Variants in OGFOD3 observed in about 807,000 individuals in gnomAD.
The protein encoded by OGFOD3 is 2-oxoglutarate and iron-dependent oxygenase domain-containing protein 3.
A neutral mutation model predicts 39.8 loss-of-function variants in OGFOD3; 35 were observed. The observed-to-expected ratio is 0.88, with a 90% CI of 0.67 to 1.17. The LOEUF (loss-of-function observed/expected upper bound fraction) is 1.17. Among genes scored for constraint, OGFOD3 ranks in the 50% most tolerant of loss-of-function variants. OGFOD3 has a pLI of 0.00. For synonymous variants in OGFOD3, 200 were observed against 192.0 expected (o/e 1.04, Z -0.34); for missense variants, 438 against 454.5 (o/e 0.96, Z 0.33).
In OGFOD3 at chr17:82,389,397, T is replaced by C. The variant is rs999738231; in HGVS notation, c.*3001A>G. On this transcript the variant is annotated 3_prime_UTR_variant, in exon 9 of 9. Coordinates refer to ENST00000313056, the MANE Select transcript of OGFOD3 (RefSeq NM_024648.3). The surrounding 1 kb of genome is among the most constrained non-coding windows in gnomAD (Gnocchi z 4.6). ...GCCTCACGTCGGCCACACCCGACAC[T>C]TTCATCAGGTTCACGAGCACTTCTT... is the stretch of plus-strand genomic sequence containing the variant. 1.3e-5 allele frequency: 2 copies of C among 152,244 alleles called. No individual in the cohort carries two copies. The highest frequency in any genetic ancestry group is 1.3e-4 in the Admixed American group (2 of 15,284). The allele number at this position is 152,244 out of a possible 1,614,324, so 9.4% of individuals were successfully genotyped here. A position where few individuals can be genotyped will look rare whatever the true frequency, so the allele number is the denominator to read the frequency against.
chr17:82,416,217 C>G (rs965697215), intron 1 of OGFOD3, among the ~76,000 whole-genome samples: 4 of 152,224 alleles, frequency 2.6e-5, no homozygotes, highest in African/African-American at 9.6e-5. Context: ...GCCTGGGCAA[C>G]AAGAGCAAAA....
Position 82,398,325 on chromosome 17 carries a change from G to A in OGFOD3, c.700-6C>T. 6.2e-7 allele frequency: 1 copy of A among 1,613,926 alleles called. No individual in the cohort carries two copies. The highest frequency in any genetic ancestry group is 8.5e-7 in the Non-Finnish European group (1 of 1,179,906). ...TCGAAGGAGCCGTAGGTCACCTGAG[G>A]GCAGAGCCGGGAGGAGGGGGCAGAA... On this transcript the variant is annotated splice_polypyrimidine_tract_variant and splice_region_variant and intron_variant, in intron 7 of 8. Transcript: ENST00000313056.
intron 4 of OGFOD3, among the ~76,000 whole-genome samples, chr17:82,407,488 A>C (rs758445711): frequency 5.3e-5 from 8 of 152,324 alleles, no homozygotes; most frequent in Non-Finnish European, 1.0e-4. Context: ...AGTGCGCGCC[A>C]CGCCAAGCCT....
In OGFOD3 at chr17:82,412,679, C is replaced by T. The variant is rs190611834; in HGVS notation, c.305-1149G>A. 4.5e-4 allele frequency among the ~76,000 whole-genome samples: 68 copies of T among 152,170 alleles called. 1 individual carries two copies. In the East Asian group the frequency reaches 0.011, roughly 24 times the overall value. On this transcript the variant is annotated intron_variant, in intron 2 of 8. Coordinates refer to ENST00000313056, the MANE Select transcript of OGFOD3 (RefSeq NM_024648.3). ...CAGCATCGCACAGATGCACAAGGTA[C>T]AGCAGAGTGTCGGAGAGGGGCCCAG...
intron 8 of OGFOD3, among the ~76,000 whole-genome samples, chr17:82,396,178 CAT>C (rs1453132575): frequency 4.0e-5 from 6 of 150,612 alleles, no homozygotes; most frequent in Admixed American, 4.0e-4. Context: ...CAGGTAAACA[CAT>C]AGATACACAC....
At position 82,416,776 on chromosome 17, in the gene OGFOD3, T is replaced by C. The variant is rs983579440; in HGVS notation, c.75-1149A>G. On this transcript the variant is annotated intron_variant, in intron 1 of 8. Transcript: ENST00000313056. The stretch of plus-strand genomic sequence containing the variant: ...ACCTCTGCCTCCTGGGCTCAAGCAA[T>C]TCTCCTGCCCCAGCCTCCTAAGTAG... 3.3e-5 allele frequency among the ~76,000 whole-genome samples: 5 copies of C among 152,162 alleles called. No individual in the cohort carries two copies. The South Asian group carries it at 8.3e-4, about 25-fold the overall frequency.
Position 82,398,330 on chromosome 17 carries a change from A to C in OGFOD3, c.700-11T>G. 6.2e-7 allele frequency: 1 copy of C among 1,614,050 alleles called. No individual in the cohort carries two copies. Among genetic ancestry groups the C allele is most frequent in the Non-Finnish European group, 8.5e-7 (1 of 1,179,946 alleles). On this transcript the variant is annotated splice_polypyrimidine_tract_variant and intron_variant, in intron 7 of 8. Transcript: ENST00000313056. ...GGAGCCGTAGGTCACCTGAGGGCAGAGCCGGGAGGAGGGGGCAGAATGGGC... is the reference window on the plus strand; with the variant it reads ...GGAGCCGTAGGTCACCTGAGGGCAGCGCCGGGAGGAGGGGGCAGAATGGGC...
At position 82,404,471 on chromosome 17, in the gene OGFOD3, T is replaced by C. The variant is rs1242039682; in HGVS notation, c.546-381A>G. 6.6e-6 allele frequency among the ~76,000 whole-genome samples: 1 copy of C among 152,056 alleles called. No homozygotes were observed. Among genetic ancestry groups the C allele is most frequent in the Admixed American group, 6.6e-5 (1 of 15,266 alleles). Reference sequence around the variant, plus strand: ...AGGCTGCTGTCCCCCAACGTGAGTGTGCGGGGTGTGTGGACGTGGGGAGAG... The same window carrying C: ...AGGCTGCTGTCCCCCAACGTGAGTGCGCGGGGTGTGTGGACGTGGGGAGAG... On this transcript the variant is annotated intron_variant, in intron 6 of 8. Coordinates refer to ENST00000313056, the MANE Select transcript of OGFOD3 (RefSeq NM_024648.3). This position sits in a 1 kb window ranked among gnomAD's most constrained non-coding sequence, Gnocchi z 4.5.
intron 8 of OGFOD3, chr17:82,394,444 G>T: frequency 6.2e-7 from 1 of 1,613,792 alleles, no homozygotes; most frequent in Non-Finnish European, 8.5e-7. Context: ...GTGAGTCCCC[G>T]GAGGACACCT....
chr17:82,400,366 G>C (rs908600469), intron 7 of OGFOD3, among the ~76,000 whole-genome samples: 3 of 152,204 alleles, frequency 2.0e-5, no homozygotes, highest in African/African-American at 7.2e-5. Context: ...GAGTAAGACA[G>C]ACGTCAAGTG....
intron 7 of OGFOD3, 68 bp downstream of exon 7, chr17:82,403,869 C>T (rs2052807146): frequency 2.6e-6 from 4 of 1,518,438 alleles, no homozygotes; most frequent in Admixed American, 3.9e-5. Context: ...CACGTGCGCA[C>T]TCACCGTGCC....
intron 7 of OGFOD3, among the ~76,000 whole-genome samples, chr17:82,400,366 G>A (rs908600469): frequency 6.6e-6 from 1 of 152,204 alleles, no homozygotes; most frequent in Non-Finnish European, 1.5e-5. Context: ...GAGTAAGACA[G>A]ACGTCAAGTG....
intron 3 of OGFOD3, among the ~76,000 whole-genome samples, chr17:82,409,849 C>T (rs894719095): frequency 1.3e-5 from 2 of 152,074 alleles, no homozygotes; most frequent in Non-Finnish European, 2.9e-5. Flanking sequence ...GAGCCGAGAT[C>T]GCGCCACTGC....
At position 82,404,166 on chromosome 17, in the gene OGFOD3, A is replaced by C. The variant is rs1174253232; in HGVS notation, c.546-76T>G. The C allele has an allele frequency of 6.9e-7, 1 of 1,453,500 alleles. No homozygotes were observed. Among genetic ancestry groups the C allele is most frequent in the Non-Finnish European group, 9.1e-7 (1 of 1,096,668 alleles). The allele number at this position is 1,453,500 out of a possible 1,614,324, so 90.0% of individuals were successfully genotyped here. On this transcript the variant is annotated intron_variant, in intron 6 of 8. Transcript: ENST00000313056. The surrounding 1 kb of genome is among the most constrained non-coding windows in gnomAD (Gnocchi z 4.5). ...TCGTGGGTCCCAACCCGTGGGTGGC[A>C]GGAAAGGAACCAGCCTTCGTACGGC...
In OGFOD3 at chr17:82,392,370, C is replaced by T. The variant is rs1224289564; in HGVS notation, c.*28G>A. The T allele has an allele frequency of 1.9e-6, 3 of 1,601,826 alleles. No homozygotes were observed. Among genetic ancestry groups the T allele is most frequent in the Non-Finnish European group, 1.7e-6 (2 of 1,175,756 alleles). ...GCGCGGCTGCCTCCACACGGGCCCT[C>T]CTGAAGTTACCTTGGCCCGGCTGCT... is the stretch of plus-strand genomic sequence containing the variant. On this transcript the variant is annotated 3_prime_UTR_variant, in exon 9 of 9. Coordinates refer to ENST00000313056, the MANE Select transcript of OGFOD3 (RefSeq NM_024648.3). This position sits in a 1 kb window ranked among gnomAD's most constrained non-coding sequence, Gnocchi z 4.2.
rs2053018547 is a variant in OGFOD3 at position 82,415,520 on chromosome 17, C to T, written c.182G>A (p.Trp61Ter). 6.2e-7 allele frequency: 1 copy of T among 1,613,688 alleles called. No individual in the cohort carries two copies. The highest frequency in any genetic ancestry group is 8.5e-7 in the Non-Finnish European group (1 of 1,179,962). The change falls in exon 2 of 9, where the codon TGG (tryptophan) becomes TAG (stop). Residue 61 changes from tryptophan to a stop codon, truncating the protein, a stop_gained. Coordinates refer to ENST00000313056, the MANE Select transcript of OGFOD3 (RefSeq NM_024648.3). LOFTEE classifies it high-confidence loss of function. The surrounding 1 kb of genome is among the most constrained non-coding windows in gnomAD (Gnocchi z 5.3). ...CCCGTCGTCGGCCCCCAAGCTGCTC[C>T]AGAGCAGGAGTGCGGTGAGCACAAA... ...AGFVLTALLL[W>*]SSLGADDGVA...
intron 2 of OGFOD3, 166 bp from the exon 3 acceptor site, chr17:82,411,696 G>A (rs1240791740): frequency 6.9e-6 from 4 of 576,832 alleles, no homozygotes; most frequent in Middle Eastern, 4.5e-4. Flanking sequence ...TGCATCTGGA[G>A]TTCACGTCTC....
chr17:82,409,785 C>T (rs1311903078), intron 3 of OGFOD3, among the ~76,000 whole-genome samples: 3 of 152,196 alleles, frequency 2.0e-5, no homozygotes, highest in Non-Finnish European at 4.4e-5. Flanking sequence ...ATCCCAGCTA[C>T]TCTGGAGGCT....
At chr17:82,416,256 A>G (rs2053032314) in intron 1 of OGFOD3, among the ~76,000 whole-genome samples, 1 of 152,230 alleles carries the variant, frequency 6.6e-6, no homozygotes, top group Non-Finnish European at 1.5e-5. Flanking sequence ...ATAAATAAAT[A>G]AACAAACACA....
Sources: allele counts gnomAD v4.1 joint callset (sites outside exome capture counted in the v4.1 genomes callset), GRCh38; gene constraint gnomAD v4.1.1; non-coding constraint Gnocchi (gnomAD v3.1); transcripts MANE v1.5; gene names NCBI Gene and HGNC (gene_info 2026-07-23, HGNC 2026-07-21).